Variants in ADAMTSL1 observed in about 807,000 individuals in gnomAD.
The protein encoded by ADAMTSL1 is ADAMTS like 1.
A neutral mutation model predicts 201.8 loss-of-function variants in ADAMTSL1; 126 were observed. That is an observed-to-expected ratio of 0.62 (90% CI 0.54 to 0.72). The LOEUF is 0.72. ADAMTSL1 is among the 30% of genes least tolerant of loss of function. The pLI is 0.00. For synonymous variants in ADAMTSL1, 1,121 were observed against 903.4 expected, an observed-to-expected ratio of 1.24 and a Z score of -4.32; for missense variants, 2,679 against 2,277.8, an observed-to-expected ratio of 1.18 and a Z score of -3.59.
intron 5 of ADAMTSL1, among the ~76,000 whole-genome samples, chr9:18,627,516 T>G (rs1299178404): frequency 6.6e-6 from 1 of 152,168 alleles, no homozygotes; most frequent in African/African-American, 2.4e-5. Flanking sequence ...AAAAACAAGG[T>G]GTTTGCAGAA....
chr9:18,400,112 C>A (rs1817927472), intron 2 of ADAMTSL1, among the ~76,000 whole-genome samples: 1 of 110,958 alleles, frequency 9.0e-6, no homozygotes, highest in Non-Finnish European at 2.0e-5. Context: ...TTAAATCTAA[C>A]CCTAGCAACT....
chr9:18,565,640 G>T (rs975478866), intron 3 of ADAMTSL1, among the ~76,000 whole-genome samples: 1 of 150,422 alleles, frequency 6.6e-6, no homozygotes, highest in Non-Finnish European at 1.5e-5. Context: ...GCCTTTACCT[G>T]CTATGGCACC....
At chr9:18,192,678 A>G (rs991368254) in intron 2 of ADAMTSL1, among the ~76,000 whole-genome samples, 5 of 152,156 alleles carry the variant, frequency 3.3e-5, no homozygotes, top group Non-Finnish European at 7.4e-5. Flanking sequence ...AATATTCAGT[A>G]CTACACTTTT....
At chr9:18,738,285 A>G (rs1028331375) in intron 15 of ADAMTSL1, among the ~76,000 whole-genome samples, 2 of 152,198 alleles carry the variant, frequency 1.3e-5, no homozygotes, top group African/African-American at 4.8e-5. Flanking sequence ...GGAATTGAGT[A>G]TGATAATGCA....
chr9:18,602,082 G>C (rs1186818859), intron 4 of ADAMTSL1, among the ~76,000 whole-genome samples: 1 of 152,166 alleles, frequency 6.6e-6, no homozygotes, highest in Admixed American at 6.6e-5. Context: ...TTCTGCATAA[G>C]AAATGTCTTC....
intron 1 of ADAMTSL1, among the ~76,000 whole-genome samples, chr9:18,091,808 G>T (rs1352573846): frequency 6.6e-6 from 1 of 152,036 alleles, no homozygotes; most frequent in African/African-American, 2.4e-5. Context: ...AGTAGCAAGA[G>T]AGTCCTTGCG....
At chr9:18,569,456 G>A (rs1822157465) in intron 3 of ADAMTSL1, among the ~76,000 whole-genome samples, 1 of 152,128 alleles carries the variant, frequency 6.6e-6, no homozygotes. Context: ...GGAAGCCTTA[G>A]CCCAGTAACA....
At chr9:18,033,246 T>A (rs1821051721) in intron 1 of ADAMTSL1, among the ~76,000 whole-genome samples, 1 of 152,200 alleles carries the variant, frequency 6.6e-6, no homozygotes. Flanking sequence ...AAGAAATGAC[T>A]AAAATGTTCT....
intron 2 of ADAMTSL1, chr9:18,362,282 T>C (rs1211606897): frequency 6.6e-6 from 1 of 152,226 alleles, no homozygotes; most frequent in Admixed American, 6.5e-5. Context: ...AACTCAGACC[T>C]GATGAAGTGC....
chr9:18,569,095 C>A (rs78680833), intron 3 of ADAMTSL1, among the ~76,000 whole-genome samples: 1,809 of 152,228 alleles, frequency 0.012, 40 homozygotes, highest in African/African-American at 0.041. Flanking sequence ...ACATTTCACC[C>A]GGTGAGTAAA....
intron 3 of ADAMTSL1, among the ~76,000 whole-genome samples, chr9:18,549,549 A>ATATG (rs968268178): frequency 4.6e-5 from 7 of 151,982 alleles, no homozygotes; most frequent in African/African-American, 9.7e-5. Context: ...GAGAGTGTGT[A>ATATG]TATGTATGTA....
chr9:18,202,773 G>T (rs934165241), intron 2 of ADAMTSL1, among the ~76,000 whole-genome samples: 3 of 152,066 alleles, frequency 2.0e-5, no homozygotes, highest in African/African-American at 7.2e-5. Flanking sequence ...TGTCTTCTTT[G>T]TTTTTTTCAT....
chr9:18,843,517 A>C (rs1222063300), intron 23 of ADAMTSL1, among the ~76,000 whole-genome samples: 1 of 150,274 alleles, frequency 6.7e-6, no homozygotes, highest in Non-Finnish European at 1.5e-5. Flanking sequence ...TGTGTCTTGG[A>C]GTTGCTCTTC....
chr9:18,774,546 A>T (rs1820870828), intron 17 of ADAMTSL1, among the ~76,000 whole-genome samples: 1 of 152,044 alleles, frequency 6.6e-6, no homozygotes, highest in Non-Finnish European at 1.5e-5. Flanking sequence ...GCATTACATT[A>T]TTGTTACCAT....
In ADAMTSL1 at chr9:18,777,052, T is replaced by A. The variant is rs1208199583; in HGVS notation, c.2823T>A (p.Asp941Glu). Residue 941 changes from aspartate to glutamate, a missense_variant, in exon 19 of 29, where the codon GAT becomes GAA. Physicochemically the swap from Asp to Glu is conservative, Grantham distance 45. Coordinates refer to ENST00000380548, the MANE Select transcript of ADAMTSL1 (RefSeq NM_001040272.6). ...YLKIHRLKPS[D>E]AGVYTCSAGP... The stretch of plus-strand genomic sequence containing the variant: ...AGATCCACCGCCTCAAGCCCTCGGA[T>A]GCAGGCGTCTACACCTGCTCAGCGG... 6.2e-7 allele frequency: 1 copy of A among 1,612,472 alleles called. No homozygotes were observed. Among genetic ancestry groups the A allele is most frequent in the South Asian group, 1.1e-5 (1 of 91,010 alleles).
intron 4 of ADAMTSL1, among the ~76,000 whole-genome samples, chr9:18,601,570 A>C (rs1824659413): frequency 6.6e-6 from 1 of 152,194 alleles, no homozygotes; most frequent in African/African-American, 2.4e-5. Context: ...AGTCATGGCC[A>C]GTGAGGATTT....
chr9:18,418,618 A>G (rs1639269518), intron 2 of ADAMTSL1, among the ~76,000 whole-genome samples: 2 of 152,230 alleles, frequency 1.3e-5, no homozygotes, highest in South Asian at 4.1e-4. Flanking sequence ...AATGGGGAAA[A>G]TGATATAGGG....
chr9:18,671,710 C>A (rs1829823666), intron 9 of ADAMTSL1, among the ~76,000 whole-genome samples: 1 of 152,018 alleles, frequency 6.6e-6, no homozygotes, highest in South Asian at 2.1e-4. Flanking sequence ...TGAGAGAAAC[C>A]CTTGAAACCA....
At chr9:18,808,764 A>G (rs1823317082) in intron 20 of ADAMTSL1, among the ~76,000 whole-genome samples, 1 of 152,206 alleles carries the variant, frequency 6.6e-6, no homozygotes, top group Admixed American at 6.5e-5. Flanking sequence ...CAGCCAGTCC[A>G]CAGACAAAGA....
Sources: allele counts gnomAD v4.1 joint callset (sites outside exome capture counted in the v4.1 genomes callset), GRCh38; gene constraint gnomAD v4.1.1; transcripts MANE v1.5; gene names NCBI Gene and HGNC (gene_info 2026-07-23, HGNC 2026-07-21).